Variants in RSRC1 observed in about 807,000 individuals in gnomAD.
RSRC1 encodes the protein arginine and serine rich coiled-coil 1, also known as serine/Arginine-related protein 53.
A neutral mutation model predicts 49.1 loss-of-function variants in RSRC1; 39 were observed. The ratio of observed to expected loss-of-function variants is 0.79; its 90% CI spans 0.61 to 1.04. The LOEUF (loss-of-function observed/expected upper bound fraction) is 1.04. RSRC1 is among the 50% of genes least tolerant of loss of function. The pLI, the probability that RSRC1 is intolerant of heterozygous loss-of-function variation, is 0.00. For missense variants in RSRC1, 388 were observed against 402.4 expected (o/e 0.96, Z 0.31); for synonymous variants, 143 against 130.8 (o/e 1.09, Z -0.63).
chr3:158,319,224 C>T (rs1056016122), intron 5 of RSRC1, among the ~76,000 whole-genome samples: 4 of 151,990 alleles, frequency 2.6e-5, no homozygotes, highest in Non-Finnish European at 4.4e-5. Context: ...GTGGTTTCCC[C>T]CATGCTGTTC....
chr3:158,225,926 T>C (rs957011252), intron 4 of RSRC1, among the ~76,000 whole-genome samples: 30 of 151,982 alleles, frequency 2.0e-4, no homozygotes, highest in African/African-American at 6.3e-4. Context: ...AGGTACCCAT[T>C]CTAGGGAAAT....
chr3:158,111,446 G>A (rs1019919913), intron 1 of RSRC1, among the ~76,000 whole-genome samples: 3 of 152,216 alleles, frequency 2.0e-5, no homozygotes, highest in Admixed American at 2.0e-4. Flanking sequence ...GTTGTTTATA[G>A]TAGATCTATA....
chr3:158,351,183 T>G (rs913411052), intron 5 of RSRC1, among the ~76,000 whole-genome samples: 11 of 152,184 alleles, frequency 7.2e-5, no homozygotes, highest in African/African-American at 1.2e-4. Context: ...AGGCCTGTGG[T>G]GATGCTTTCC....
In RSRC1 at chr3:158,432,448, G is replaced by A. The variant is rs959127520; in HGVS notation, c.584-28487G>A. Among the ~76,000 whole-genome samples, 6 of 151,820 alleles carry A rather than the reference G, an allele frequency of 4.0e-5. 1 individual carries two copies. The highest frequency in any genetic ancestry group is 7.3e-5 in the African/African-American group (3 of 41,370). ...TTGCTATTACTGAATTTTATCTGTC[G>A]ATTTTTACCTTTGCTTCCTGGCAGC... is the stretch of plus-strand genomic sequence containing the variant. On this transcript the variant is annotated intron_variant, in intron 6 of 9. Transcript: ENST00000611884.
chr3:158,356,097 T>C (rs998141239), intron 6 of RSRC1, among the ~76,000 whole-genome samples: 1 of 152,020 alleles, frequency 6.6e-6, no homozygotes, highest in Non-Finnish European at 1.5e-5. Context: ...TCACCTATTT[T>C]TGGACCACAG....
At chr3:158,268,311 A>T (rs545959577) in intron 4 of RSRC1, among the ~76,000 whole-genome samples, 1 of 152,278 alleles carries the variant, frequency 6.6e-6, no homozygotes, top group Admixed American at 6.5e-5. Context: ...ATCTCTGGCT[A>T]CTTTTTGCTG....
At chr3:158,202,273 C>T (rs1279724313) in intron 3 of RSRC1, among the ~76,000 whole-genome samples, 1 of 151,916 alleles carries the variant, frequency 6.6e-6, no homozygotes, top group African/African-American at 2.4e-5. Context: ...CCTTGGCCTC[C>T]CAAAGTGCTG....
intron 4 of RSRC1, among the ~76,000 whole-genome samples, chr3:158,233,826 C>G (rs561284667): frequency 1.3e-5 from 2 of 152,262 alleles, no homozygotes; most frequent in Non-Finnish European, 2.9e-5. Context: ...CTGCAGTTAC[C>G]TCATGCTCTG....
intron 4 of RSRC1, among the ~76,000 whole-genome samples, chr3:158,292,064 A>G (rs991106037): frequency 5.3e-5 from 8 of 152,206 alleles, no homozygotes; most frequent in Admixed American, 4.6e-4. Context: ...GATTAAAACT[A>G]TCAGGTGCTA....
At chr3:158,244,290 G>A (rs1723760105) in intron 4 of RSRC1, among the ~76,000 whole-genome samples, 1 of 152,084 alleles carries the variant, frequency 6.6e-6, no homozygotes, top group African/African-American at 2.4e-5. Context: ...TTTGAAGTAT[G>A]TTTCTTCAAT....
chr3:158,429,314 A>T (rs946615128), intron 6 of RSRC1, among the ~76,000 whole-genome samples: 1 of 150,444 alleles, frequency 6.6e-6, no homozygotes, highest in Non-Finnish European at 1.5e-5. Context: ...ACTCTCCGTC[A>T]GTTAACCTGG....
intron 7 of RSRC1, among the ~76,000 whole-genome samples, chr3:158,508,692 C>G (rs1739999203): frequency 6.6e-6 from 1 of 152,176 alleles, no homozygotes; most frequent in Admixed American, 6.6e-5. Context: ...TGAACCATCT[C>G]TTTGTCCAGT....
chr3:158,487,949 GAAAAAAAAAA>G lies in RSRC1; in HGVS notation c.652+26962_652+26971del, dbSNP rs58689210. On this transcript the variant is annotated intron_variant, in intron 7 of 9. Transcript: ENST00000611884. ...TAGGAGACAAGAGACTCCATCTCAA[GAAAAAAAAAA>G]AAAAAAAAAAAAAAACTGGCTGAAT... is the stretch of plus-strand genomic sequence containing the variant. Among the ~76,000 whole-genome samples the G allele has an allele frequency of 1.1e-3, 31 of 28,922 alleles. 1 individual carries two copies. Among genetic ancestry groups the G allele is most frequent in the South Asian group, 8.7e-3 (4 of 460 alleles). 19.0% of individuals were successfully genotyped at this position (28,922 alleles called of 152,430 possible).
chr3:158,366,940 T>C (rs1490397720), intron 6 of RSRC1, among the ~76,000 whole-genome samples: 1 of 152,194 alleles, frequency 6.6e-6, no homozygotes, highest in Admixed American at 6.5e-5. Flanking sequence ...ATGATTTGAC[T>C]CTCTGTCTGT....
chr3:158,501,225 G>T (rs546191504), intron 7 of RSRC1, among the ~76,000 whole-genome samples: 3 of 152,092 alleles, frequency 2.0e-5, no homozygotes, highest in African/African-American at 7.2e-5. Flanking sequence ...CTGAGAGAAT[G>T]CTTGATAAAA....
chr3:158,459,993 A>G (rs2108404120), intron 6 of RSRC1, among the ~76,000 whole-genome samples: 1 of 152,090 alleles, frequency 6.6e-6, no homozygotes, highest in Admixed American at 6.6e-5. Flanking sequence ...TAGGAAAAAT[A>G]TATGCAGCAA....
intron 4 of RSRC1, among the ~76,000 whole-genome samples, chr3:158,276,822 A>G (rs909878166): frequency 6.6e-6 from 1 of 152,168 alleles, no homozygotes; most frequent in Non-Finnish European, 1.5e-5. Context: ...AATGCTATCA[A>G]TATTTATCTT....
intron 4 of RSRC1, among the ~76,000 whole-genome samples, chr3:158,231,666 G>A (rs904161877): frequency 5.3e-5 from 8 of 151,994 alleles, no homozygotes; most frequent in African/African-American, 1.7e-4. Context: ...ATAGTATGCT[G>A]CATTGCCTTT....
chr3:158,362,572 A>G (rs1731537622), intron 6 of RSRC1, among the ~76,000 whole-genome samples: 1 of 152,222 alleles, frequency 6.6e-6, no homozygotes, highest in South Asian at 2.1e-4. Flanking sequence ...CCTAGCTTCA[A>G]AAGCAGAAGA....
Sources: gnomAD v4.1 joint callset for allele counts (sites outside exome capture counted in the v4.1 genomes callset) on GRCh38, gnomAD v4.1.1 for gene constraint, MANE v1.5 for transcripts, NCBI Gene and HGNC (gene_info 2026-07-23, HGNC 2026-07-21) for gene names.